PAX2: variants seen among roughly 807,000 people sequenced by gnomAD.
The protein encoded by PAX2 is paired box 2, also known as paired box protein Pax-2.
In PAX2, 9 loss-of-function variants were observed where a neutral mutation model predicts 41.7. The observed-to-expected ratio is 0.22, with a 90% CI of 0.13 to 0.38. The LOEUF (loss-of-function observed/expected upper bound fraction) is 0.38. PAX2 is among the 10% of genes least tolerant of loss of function. The pLI, the probability that PAX2 is intolerant of heterozygous loss-of-function variation, is 1.00. For missense variants in PAX2, 418 were observed against 531.6 expected, an observed-to-expected ratio of 0.79 and a Z score of 2.10; for synonymous variants, 221 against 212.7, an observed-to-expected ratio of 1.04 and a Z score of -0.34.
intron 3 of PAX2, among the ~76,000 whole-genome samples, chr10:100,756,502 G>A (rs929516538): frequency 2.6e-5 from 4 of 152,164 alleles, no homozygotes; most frequent in Non-Finnish European, 4.4e-5. Context: ...TCAATAAATT[G>A]CATGAGATAT....
intron 3 of PAX2, among the ~76,000 whole-genome samples, chr10:100,753,625 A>T (rs1391536674): frequency 6.6e-6 from 1 of 152,142 alleles, no homozygotes. Flanking sequence ...AACAGTTATG[A>T]GTAAGGTTGT....
Position 100,826,359 on chromosome 10 carries a change from AG to A in PAX2, c.1022-648del, listed in dbSNP as rs1400827482. On this transcript the variant is annotated intron_variant, in intron 8 of 9. Coordinates refer to ENST00000355243, the MANE Select transcript of PAX2 (RefSeq NM_000278.5). This position sits in a 1 kb window ranked among gnomAD's most constrained non-coding sequence, Gnocchi z 5.5. ...TGGCCTTTCTCCCGCAGAGGGAGGG[AG>A]GTAGCTTCCGACGACGGCTCCCAAC... Among the ~76,000 whole-genome samples, 1 of 152,040 alleles carries A rather than the reference AG, an allele frequency of 6.6e-6. No homozygotes were observed. The highest frequency in any genetic ancestry group is 1.5e-5 in the Non-Finnish European group (1 of 68,006).
chr10:100,790,976 T>C (rs79408006), intron 5 of PAX2, among the ~76,000 whole-genome samples: 1 of 152,192 alleles, frequency 6.6e-6, no homozygotes, highest in Non-Finnish European at 1.5e-5. Flanking sequence ...CAAACCATCC[T>C]GACCCTTCGG....
chr10:100,777,417 T>G (rs1846436407), intron 3 of PAX2, among the ~76,000 whole-genome samples: 1 of 136,864 alleles, frequency 7.3e-6, no homozygotes, highest in African/African-American at 2.8e-5. Context: ...TTTTTTGAGA[T>G]GGAGTCTCAC....
rs533048423 is a variant in PAX2 at position 100,822,826 on chromosome 10, T to G, written c.920-1822T>G. On this transcript the variant is annotated intron_variant, in intron 7 of 9. Coordinates refer to ENST00000355243, the MANE Select transcript of PAX2 (RefSeq NM_000278.5). ...ACTAAACCAGGAGAGGTGATAATCTTAAGTTGGATGGAGAGAGTACCTTAG... is the reference window on the plus strand; with the variant it reads ...ACTAAACCAGGAGAGGTGATAATCTGAAGTTGGATGGAGAGAGTACCTTAG... 3.1e-4 allele frequency among the ~76,000 whole-genome samples: 47 copies of G among 152,222 alleles called. No individual in the cohort carries two copies. In the Middle Eastern group the frequency reaches 0.014, roughly 44 times the overall value.
chr10:100,779,652 C>T lies in PAX2; in HGVS notation c.496+69C>T, dbSNP rs1589846082. The T allele has an allele frequency of 5.6e-6, 7 of 1,246,198 alleles. No homozygotes were observed. In the South Asian group the frequency reaches 6.4e-5, roughly 11 times the overall value. The allele number at this position is 1,246,198 out of a possible 1,614,324, so 77.2% of individuals were successfully genotyped here. Reference sequence around the variant, plus strand: ...AGAAAGGCAGGAAACGCAGCTCCACCCCTGGGAACTGCCTGCCCGCTTGAG... The same window carrying T: ...AGAAAGGCAGGAAACGCAGCTCCACTCCTGGGAACTGCCTGCCCGCTTGAG... On this transcript the variant is annotated intron_variant, in intron 4 of 9. Transcript: ENST00000355243.
At chr10:100,735,648 C>T in exon 1 of PAX2, 2 of 1,058,270 alleles carry the variant, frequency 1.9e-6, no homozygotes, top group East Asian at 5.0e-5. Context: ...CGTTGTCGGG[C>T]CGCGGAGGAG....
chr10:100,751,217 C>T (rs977309988), intron 3 of PAX2, among the ~76,000 whole-genome samples: 1 of 152,212 alleles, frequency 6.6e-6, no homozygotes, highest in Admixed American at 6.5e-5. Context: ...AGCCTGCAGC[C>T]GGAGCCTTTA....
intron 5 of PAX2, among the ~76,000 whole-genome samples, chr10:100,794,451 A>G (rs1847250774): frequency 6.6e-6 from 1 of 151,988 alleles, no homozygotes; most frequent in African/African-American, 2.4e-5. Context: ...TCCCTTCCCT[A>G]TCCTCCCTCC....
At chr10:100,790,768 G>T (rs1847082329) in intron 5 of PAX2, among the ~76,000 whole-genome samples, 1 of 152,202 alleles carries the variant, frequency 6.6e-6, no homozygotes, top group Non-Finnish European at 1.5e-5. Context: ...GCCCAGAAAA[G>T]GACCCCTCCT....
In PAX2 at chr10:100,804,026, C is replaced by T. The variant is rs115859125; in HGVS notation, c.617-2404C>T. 3.1e-3 allele frequency among the ~76,000 whole-genome samples: 469 copies of T among 152,200 alleles called. 4 individuals are homozygous for T. Among genetic ancestry groups the T allele is most frequent in the African/African-American group, 0.011 (450 of 41,514 alleles). On this transcript the variant is annotated intron_variant, in intron 5 of 9. Coordinates refer to ENST00000355243, the MANE Select transcript of PAX2 (RefSeq NM_000278.5). Reference sequence around the variant, plus strand: ...ATGTGGGATTAAGTAGTGTATTATACGCACAATGAGTTGAGGCATGATGTT... The same window carrying T: ...ATGTGGGATTAAGTAGTGTATTATATGCACAATGAGTTGAGGCATGATGTT...
At position 100,824,755 on chromosome 10, in the gene PAX2, T is replaced by C; in HGVS notation, c.1021+6T>C. 6.3e-7 allele frequency: 1 copy of C among 1,587,302 alleles called. No individual in the cohort carries two copies. The highest frequency in any genetic ancestry group is 8.7e-7 in the Non-Finnish European group (1 of 1,155,790). ...CCTGGCAGGAATGGTGCCTGGTAGG[T>C]GACAATGCTGCAGCTGCCTAATCTA... On this transcript the variant is annotated splice_donor_region_variant and intron_variant, in intron 8 of 9. Coordinates refer to ENST00000355243, the MANE Select transcript of PAX2 (RefSeq NM_000278.5). This position sits in a 1 kb window ranked among gnomAD's most constrained non-coding sequence, Gnocchi z 6.6.
chr10:100,799,139 C>G (rs1393823391), intron 5 of PAX2, among the ~76,000 whole-genome samples: 1 of 152,202 alleles, frequency 6.6e-6, no homozygotes, highest in African/African-American at 2.4e-5. Context: ...GCAGAGGCCA[C>G]CATCAGAACG....
intron 5 of PAX2, among the ~76,000 whole-genome samples, chr10:100,784,342 G>C (rs1277783376): frequency 1.3e-5 from 2 of 152,218 alleles, no homozygotes; most frequent in Non-Finnish European, 2.9e-5. Flanking sequence ...CTGACCAGGG[G>C]ACTAAGGGGT....
rs146788973 is a variant in PAX2 at position 100,767,250 on chromosome 10, G to T, written c.411-12248G>T. Among the ~76,000 whole-genome samples the T allele has an allele frequency of 1.3e-3, 205 of 152,206 alleles. 1 individual carries two copies. The highest frequency in any genetic ancestry group is 2.2e-3 in the Non-Finnish European group (149 of 68,018). On this transcript the variant is annotated intron_variant, in intron 3 of 9. Coordinates refer to ENST00000355243, the MANE Select transcript of PAX2 (RefSeq NM_000278.5). ...TTCTCCTGCACACCCAGCAGAAAAC[G>T]ATCACAGCTGCAGTCCTCCCAAGCA... is the stretch of plus-strand genomic sequence containing the variant.
At chr10:100,785,510 G>T (rs906915516) in intron 5 of PAX2, among the ~76,000 whole-genome samples, 3 of 152,196 alleles carry the variant, frequency 2.0e-5, no homozygotes, top group African/African-American at 4.8e-5. Flanking sequence ...GGCAGGGCAG[G>T]TTGCATGGCT....
At chr10:100,741,791 AC>A, upstream of PAX2, among the ~76,000 whole-genome samples, 1 of 152,284 alleles carries the variant, frequency 6.6e-6, no homozygotes, top group South Asian at 2.1e-4. Context: ...CCTTCGGACT[AC>A]TTTTCTCCCC....
At chr10:100,757,967 C>A (rs552659254) in intron 3 of PAX2, among the ~76,000 whole-genome samples, 2 of 152,086 alleles carry the variant, frequency 1.3e-5, no homozygotes, top group Non-Finnish European at 2.9e-5. Flanking sequence ...GGTAGACAGG[C>A]GAGGCCGTAG....
At position 100,827,003 on chromosome 10, in the gene PAX2, C is replaced by T; in HGVS notation, c.1022-6C>T. The stretch of plus-strand genomic sequence containing the variant: ...GTCTGATCCCCACTCCCCGACCCTC[C>T]CGCAGGGAGCGAGTTCTCCGGCAAC... On this transcript the variant is annotated splice_polypyrimidine_tract_variant and splice_region_variant and intron_variant, in intron 8 of 9. Coordinates refer to ENST00000355243, the MANE Select transcript of PAX2 (RefSeq NM_000278.5). The surrounding 1 kb of genome is among the most constrained non-coding windows in gnomAD (Gnocchi z 8.5). 6.2e-7 allele frequency: 1 copy of T among 1,610,522 alleles called. No homozygotes were observed. The highest frequency in any genetic ancestry group is 8.5e-7 in the Non-Finnish European group (1 of 1,176,812).
Sources: gnomAD v4.1 joint callset for allele counts (sites outside exome capture counted in the v4.1 genomes callset) on GRCh38, gnomAD v4.1.1 for gene constraint, Gnocchi (gnomAD v3.1) non-coding constraint, MANE v1.5 for transcripts, NCBI Gene and HGNC (gene_info 2026-07-23, HGNC 2026-07-21) for gene names.